NTN1: variants seen among roughly 807,000 people sequenced by gnomAD.
NTN1 encodes netrin 1.
NTN1 carries 11 observed loss-of-function variants against 54.2 expected under a neutral mutation model. That is an observed-to-expected ratio of 0.20 (90% CI 0.13 to 0.34). The LOEUF is 0.34. NTN1 is among the 10% of genes least tolerant of loss of function. The pLI is 1.00. For synonymous variants in NTN1, 371 were observed against 382.0 expected (o/e 0.97, Z 0.33); for missense variants, 740 against 893.1 (o/e 0.83, Z 2.18).
In NTN1 at chr17:9,038,595, A is replaced by G. The variant is rs2091911232; in HGVS notation, c.1018+15204A>G. On this transcript the variant is annotated intron_variant, in intron 2 of 6. Coordinates refer to ENST00000173229, the MANE Select transcript of NTN1 (RefSeq NM_004822.3). The stretch of plus-strand genomic sequence containing the variant: ...GTGTGGGTGCTAAATCCTAAGCTCA[A>G]GGCATTAAAGCCTGTTTCCAGGTCT... Among the ~76,000 whole-genome samples the G allele has an allele frequency of 2.0e-5, 3 of 152,054 alleles. No individual in the cohort carries two copies. The South Asian group carries it at 6.2e-4, about 32-fold the overall frequency.
intron 6 of NTN1, among the ~76,000 whole-genome samples, chr17:9,230,212 A>G (rs1597551477): frequency 6.6e-6 from 1 of 152,248 alleles, no homozygotes; most frequent in Middle Eastern, 3.4e-3. Flanking sequence ...GGATGTGGGC[A>G]GAGATGTTAG....
At chr17:9,192,176 AT>A (rs1346976197) in intron 5 of NTN1, among the ~76,000 whole-genome samples, 1 of 152,224 alleles carries the variant, frequency 6.6e-6, no homozygotes, top group African/African-American at 2.4e-5. Flanking sequence ...AATTCTAGGA[AT>A]TTAGCCAAAG....
intron 5 of NTN1, among the ~76,000 whole-genome samples, chr17:9,203,225 T>A (rs1490910281): frequency 1.3e-5 from 2 of 152,086 alleles, no homozygotes; most frequent in Non-Finnish European, 2.9e-5. Context: ...CCGGCTGGTT[T>A]CATAATTTTC....
rs758236316 is a variant in NTN1 at position 9,239,279 on chromosome 17, G to A, written c.1487-361G>A. ...ACCCCTGAGGAACCTCCCTCTCCCCGCCAGCACTGCTCTCACCCGAGCGCC... is the reference window on the plus strand; with the variant it reads ...ACCCCTGAGGAACCTCCCTCTCCCCACCAGCACTGCTCTCACCCGAGCGCC... On this transcript the variant is annotated intron_variant, in intron 6 of 6. Transcript: ENST00000173229. The surrounding 1 kb of genome is among the most constrained non-coding windows in gnomAD (Gnocchi z 5.2). Among the ~76,000 whole-genome samples, 3 of 152,142 alleles carry A rather than the reference G, an allele frequency of 2.0e-5. No homozygotes were observed. Among genetic ancestry groups the A allele is most frequent in the African/African-American group, 4.8e-5 (2 of 41,434 alleles).
intron 2 of NTN1, among the ~76,000 whole-genome samples, chr17:9,055,810 C>T (rs747256638): frequency 1.1e-4 from 17 of 152,352 alleles, no homozygotes; most frequent in Admixed American, 3.3e-4. Flanking sequence ...CAGCCTCAAC[C>T]TCCCAGGCTC....
intron 2 of NTN1, among the ~76,000 whole-genome samples, chr17:9,153,436 A>G (rs1346138684): frequency 6.6e-6 from 1 of 152,178 alleles, no homozygotes; most frequent in African/African-American, 2.4e-5. Context: ...GCAACAGAAC[A>G]AGACTCTGTC....
At chr17:9,075,824 A>AG (rs5819214) in intron 2 of NTN1, among the ~76,000 whole-genome samples, 139,439 of 152,290 alleles carry the variant, frequency 0.92, 63,993 homozygotes, top group East Asian at 1. Context: ...ATGTTTCCCC[A>AG]GGGGGAAAAT....
chr17:9,035,593 A>AT (rs2091901065), intron 2 of NTN1, among the ~76,000 whole-genome samples: 1 of 152,134 alleles, frequency 6.6e-6, no homozygotes, highest in East Asian at 1.9e-4. Context: ...TATTTTTAAC[A>AT]TTTTTTGAGA....
At chr17:9,067,252 G>A (rs1002647395) in intron 2 of NTN1, among the ~76,000 whole-genome samples, 14 of 132,580 alleles carry the variant, frequency 1.1e-4, no homozygotes, top group Non-Finnish European at 2.1e-4. Context: ...GGGCGACAGA[G>A]CAAGACCCTG....
At position 9,210,091 on chromosome 17, in the gene NTN1, A is replaced by C. The variant is rs77918411; in HGVS notation, c.1412-11077A>C. ...CCCTATCCAGCTCCCATGGCCCCTC[A>C]AGCTCTGGGACTCATCTCTCAGCTG... On this transcript the variant is annotated intron_variant, in intron 5 of 6. Coordinates refer to ENST00000173229, the MANE Select transcript of NTN1 (RefSeq NM_004822.3). 6.2e-3 allele frequency among the ~76,000 whole-genome samples: 937 copies of C among 151,988 alleles called. 8 individuals are homozygous for C. Among genetic ancestry groups the C allele is most frequent in the African/African-American group, 0.021 (852 of 41,444 alleles).
chr17:9,180,825 C>T (rs2092416869), intron 4 of NTN1, among the ~76,000 whole-genome samples: 2 of 152,186 alleles, frequency 1.3e-5, no homozygotes, highest in South Asian at 4.1e-4. Flanking sequence ...GTAGAGGGGG[C>T]TCAGCACCCA....
At chr17:9,208,691 C>G (rs1169886878) in intron 5 of NTN1, among the ~76,000 whole-genome samples, 1 of 152,186 alleles carries the variant, frequency 6.6e-6, no homozygotes, top group African/African-American at 2.4e-5. Flanking sequence ...CTGTTTTTTC[C>G]AGATATTATT....
chr17:9,003,693 G>A, the NTN1 span, among the ~76,000 whole-genome samples: 4 of 151,592 alleles, frequency 2.6e-5, no homozygotes, highest in East Asian at 1.9e-4. The surrounding 1 kb of genome is among the most constrained non-coding windows in gnomAD (Gnocchi z 7.4). Flanking sequence ...CACACCTCCC[G>A]GTGCCCCGGC....
rs370528279 is a variant in NTN1 at position 9,204,083 on chromosome 17, T to A, written c.1412-17085T>A. Among the ~76,000 whole-genome samples, 36 of 152,250 alleles carry A rather than the reference T, an allele frequency of 2.4e-4. No individual in the cohort carries two copies. In the East Asian group the frequency reaches 3.5e-3, roughly 15 times the overall value. On this transcript the variant is annotated intron_variant, in intron 5 of 6. Coordinates refer to ENST00000173229, the MANE Select transcript of NTN1 (RefSeq NM_004822.3). ...TGAGGCTCAGCTGATGGCAGTCCTG[T>A]CCAGTCCTAGGATCGGTGATGAGGG...
At chr17:9,222,897 T>C (rs997119857) in intron 6 of NTN1, among the ~76,000 whole-genome samples, 3 of 152,298 alleles carry the variant, frequency 2.0e-5, no homozygotes, top group African/African-American at 7.2e-5. Context: ...TGTGTGTGTG[T>C]ATGTGAGAGA....
intron 2 of NTN1, among the ~76,000 whole-genome samples, chr17:9,107,180 A>T: frequency 6.6e-6 from 1 of 152,216 alleles, no homozygotes; most frequent in Non-Finnish European, 1.5e-5. Context: ...GTTATCCTTT[A>T]AGCGCCAAAT....
At chr17:9,210,328 A>G (rs1224372995) in intron 5 of NTN1, among the ~76,000 whole-genome samples, 2 of 151,918 alleles carry the variant, frequency 1.3e-5, no homozygotes, top group African/African-American at 4.8e-5. Context: ...CACCCTGGCT[A>G]TGGCACTGTC....
chr17:9,027,484 T>A (rs926835825), intron 2 of NTN1, among the ~76,000 whole-genome samples: 30 of 152,242 alleles, frequency 2.0e-4, no homozygotes, highest in African/African-American at 6.3e-4. Context: ...TTTTGTTGTA[T>A]CCACTGTGCT....
chr17:9,047,615 A>G, intron 2 of NTN1, among the ~76,000 whole-genome samples: 1 of 151,476 alleles, frequency 6.6e-6, no homozygotes, highest in East Asian at 1.9e-4. Flanking sequence ...GAACTCCTTA[A>G]TGTTATTTAT....
Sources: allele counts gnomAD v4.1 joint callset (sites outside exome capture counted in the v4.1 genomes callset), GRCh38; gene constraint gnomAD v4.1.1; non-coding constraint Gnocchi (gnomAD v3.1); transcripts MANE v1.5; gene names NCBI Gene and HGNC (gene_info 2026-07-23, HGNC 2026-07-21).